CPNE4: variants seen among roughly 807,000 people sequenced by gnomAD.
The protein encoded by CPNE4 is copine 4.
CPNE4 carries 25 observed loss-of-function variants against 67.9 expected under a neutral mutation model. The ratio of observed to expected loss-of-function variants is 0.37; its 90% CI spans 0.27 to 0.51. The LOEUF (loss-of-function observed/expected upper bound fraction) is 0.51. CPNE4 is among the 20% of genes least tolerant of loss of function. The probability of loss-of-function intolerance (pLI) is 0.93; values close to 1 mark genes in which losing one functional copy is unlikely to be tolerated. For synonymous variants in CPNE4, 242 were observed against 244.9 expected, an observed-to-expected ratio of 0.99 and a Z score of 0.11; for missense variants, 464 against 690.8, an observed-to-expected ratio of 0.67 and a Z score of 3.68.
At chr3:132,023,551 G>T (rs796894743) in intron 1 of CPNE4, among the ~76,000 whole-genome samples, 1 of 134,512 alleles carries the variant, frequency 7.4e-6, no homozygotes, top group African/African-American at 2.9e-5. Flanking sequence ...GCAGTGGCGG[G>T]ATCTCGGCTC....
chr3:131,558,411 AG>A (rs1202511214), intron 11 of CPNE4, among the ~76,000 whole-genome samples: 5 of 152,072 alleles, frequency 3.3e-5, no homozygotes, highest in Admixed American at 2.6e-4. Flanking sequence ...CACCCAGCAA[AG>A]GGCCATTTAG....
chr3:131,772,540 G>T (rs75512720), intron 2 of CPNE4, among the ~76,000 whole-genome samples: 1 of 152,192 alleles, frequency 6.6e-6, no homozygotes, highest in South Asian at 2.1e-4. Context: ...ACTTATCAGA[G>T]AGCCAGAAGT....
intron 1 of CPNE4, among the ~76,000 whole-genome samples, chr3:132,033,519 T>TC (rs1553837694): frequency 2.0e-5 from 3 of 151,936 alleles, no homozygotes; most frequent in Non-Finnish European, 4.4e-5. Flanking sequence ...TGCTCACCTT[T>TC]CCCCCCTCCA....
chr3:131,933,440 A>C (rs1306673478), intron 1 of CPNE4, among the ~76,000 whole-genome samples: 10 of 152,224 alleles, frequency 6.6e-5, no homozygotes, highest in Non-Finnish European at 1.5e-4. Flanking sequence ...AAGGTAAATT[A>C]GAACGACCAT....
chr3:131,589,742 A>C (rs900816250), intron 7 of CPNE4, among the ~76,000 whole-genome samples: 5 of 152,366 alleles, frequency 3.3e-5, no homozygotes, highest in Admixed American at 6.5e-5. Context: ...AGCTTCTGCT[A>C]TCTCTTTAAA....
At chr3:131,692,732 G>T (rs1301832263) in intron 5 of CPNE4, among the ~76,000 whole-genome samples, 6 of 152,104 alleles carry the variant, frequency 3.9e-5, no homozygotes, top group African/African-American at 1.4e-4. Context: ...AGACAGATTT[G>T]TTTACTTATA....
At chr3:131,551,959 G>T (rs1255106026) in intron 13 of CPNE4, among the ~76,000 whole-genome samples, 1 of 151,666 alleles carries the variant, frequency 6.6e-6, no homozygotes, top group Admixed American at 6.6e-5. Context: ...CCATGATGCT[G>T]CTTGTTCAAA....
intron 1 of CPNE4, among the ~76,000 whole-genome samples, chr3:131,953,249 A>AATAAAAT (rs1553813398): frequency 1.4e-5 from 2 of 141,058 alleles, no homozygotes; most frequent in Non-Finnish European, 3.1e-5. Flanking sequence ...TAAAAAAAAA[A>AATAAAAT]AAAAAAAAAA....
In CPNE4 at chr3:131,990,873, G is replaced by A. The variant is rs1002932190; in HGVS notation, c.-2+43694C>T. ...ACCTGGTGGGAGGTAACTGAATCACGGGGGAAGTTACTCCCATGCTTTCTT... is the reference window on the plus strand; with the variant it reads ...ACCTGGTGGGAGGTAACTGAATCACAGGGGAAGTTACTCCCATGCTTTCTT... On this transcript the variant is annotated intron_variant, in intron 1 of 15. Coordinates refer to ENST00000429747, the MANE Select transcript of CPNE4 (RefSeq NM_130808.3). 2.2e-5 allele frequency among the ~76,000 whole-genome samples: 3 copies of A among 135,446 alleles called. 1 individual carries two copies. The highest frequency in any genetic ancestry group is 3.3e-5 in the Non-Finnish European group (2 of 59,704). The allele number at this position is 135,446 out of a possible 152,430, so 88.9% of individuals were successfully genotyped here. A position where few individuals can be genotyped will look rare whatever the true frequency, so the allele number is the denominator to read the frequency against.
chr3:132,010,754 T>A (rs2073740276), intron 1 of CPNE4, among the ~76,000 whole-genome samples: 1 of 152,196 alleles, frequency 6.6e-6, no homozygotes, highest in Non-Finnish European at 1.5e-5. Context: ...CATAGCCACA[T>A]CTGCCTTTGG....
At chr3:131,915,576 G>A (rs2089152421) in intron 1 of CPNE4, among the ~76,000 whole-genome samples, 1 of 152,096 alleles carries the variant, frequency 6.6e-6, no homozygotes, top group African/African-American at 2.4e-5. Flanking sequence ...AACAATATGA[G>A]TACATGAATT....
intron 1 of CPNE4, among the ~76,000 whole-genome samples, chr3:131,958,257 C>T (rs185768577): frequency 6.6e-5 from 10 of 152,254 alleles, no homozygotes; most frequent in African/African-American, 1.4e-4. Context: ...AGAGATAAAG[C>T]GACTTTTCCC....
intron 2 of CPNE4, among the ~76,000 whole-genome samples, chr3:131,876,087 T>A (rs2087433152): frequency 1.3e-5 from 2 of 152,068 alleles, no homozygotes; most frequent in African/African-American, 4.8e-5. Context: ...ATAAAAAAAC[T>A]ACAAGGTCAG....
At chr3:131,780,474 A>C (rs2083404231) in intron 2 of CPNE4, among the ~76,000 whole-genome samples, 1 of 152,180 alleles carries the variant, frequency 6.6e-6, no homozygotes, top group African/African-American at 2.4e-5. Context: ...TGGTACATAC[A>C]CACCATGGAA....
At chr3:131,552,691 G>T (rs1017335009) in intron 12 of CPNE4, among the ~76,000 whole-genome samples, 200 bp from the exon 13 acceptor site, 13 of 152,022 alleles carry the variant, frequency 8.6e-5, no homozygotes, top group African/African-American at 3.1e-4. Context: ...GAGTTGAGGT[G>T]ACAGGAATAT....
chr3:131,542,714 G>C lies in CPNE4; in HGVS notation c.1382C>G (p.Ser461Cys). The C allele has an allele frequency of 6.2e-7, 1 of 1,614,090 alleles. No homozygotes were observed. Among genetic ancestry groups the C allele is most frequent in the Non-Finnish European group, 8.5e-7 (1 of 1,179,990 alleles). The change falls in exon 15 of 16, where the codon TCC (serine) becomes TGC (cysteine). Residue 461 changes from serine (S) to cysteine (C), a missense_variant. Transcript: ENST00000429747. ...GATGATGACTGACATGGGGAGGTGG[G>C]AGGCATGGACAATGGCCTCCCGGGT... Reference protein sequence around the residue: ...ADTREAIVHASHLPMSVIIVG... With the variant: ...ADTREAIVHACHLPMSVIIVG...
chr3:131,573,549 G>A (rs1582824520), intron 10 of CPNE4, among the ~76,000 whole-genome samples: 1 of 152,212 alleles, frequency 6.6e-6, no homozygotes, highest in East Asian at 1.9e-4. Context: ...TGAATACAGA[G>A]TTGTTCAAGA....
At chr3:131,974,254 C>T (rs1347699526) in intron 1 of CPNE4, among the ~76,000 whole-genome samples, 2 of 152,156 alleles carry the variant, frequency 1.3e-5, no homozygotes. Flanking sequence ...TTTTCCTTCA[C>T]AATGGTAATT....
intron 10 of CPNE4, among the ~76,000 whole-genome samples, chr3:131,565,135 G>C (rs1936989764): frequency 1.3e-5 from 2 of 151,774 alleles, no homozygotes; most frequent in South Asian, 4.2e-4. Context: ...TTAAGCCGAG[G>C]GTGTTAAAAT....
Sources: allele counts gnomAD v4.1 joint callset (sites outside exome capture counted in the v4.1 genomes callset), GRCh38; gene constraint gnomAD v4.1.1; transcripts MANE v1.5; gene names NCBI Gene and HGNC (gene_info 2026-07-23, HGNC 2026-07-21).